FGGY: variants seen among roughly 807,000 people sequenced by gnomAD.
FGGY encodes the protein FGGY carbohydrate kinase domain-containing protein.
A neutral mutation model predicts 71.3 loss-of-function variants in FGGY; 72 were observed. That is an observed-to-expected ratio of 1.01 (90% CI 0.84 to 1.23). FGGY has a LOEUF of 1.23. FGGY is among the 50% of genes most tolerant of loss of function. FGGY has a pLI of 0.00. For synonymous variants in FGGY, 251 were observed against 250.3 expected (o/e 1.00, Z -0.02); for missense variants, 668 against 682.3 (o/e 0.98, Z 0.23).
intron 11 of FGGY, among the ~76,000 whole-genome samples, chr1:59,641,039 C>G (rs2097020615): frequency 6.6e-6 from 1 of 150,776 alleles, no homozygotes; most frequent in Non-Finnish European, 1.5e-5. Context: ...AAGACGATTG[C>G]CCAACCTGGT....
At chr1:59,309,793 T>C (rs533599367) in intron 1 of FGGY, among the ~76,000 whole-genome samples, 44 of 152,156 alleles carry the variant, frequency 2.9e-4, no homozygotes, top group African/African-American at 1.1e-3. Flanking sequence ...CTGAGCAACA[T>C]GGCAAAACCC....
At chr1:59,331,556 C>T (rs902955803) in intron 2 of FGGY, among the ~76,000 whole-genome samples, 8 of 152,178 alleles carry the variant, frequency 5.3e-5, no homozygotes, top group African/African-American at 1.9e-4. Flanking sequence ...ATTTCACTTG[C>T]ATCTTGCATA....
chr1:59,364,706 T>C (rs1018693392), intron 4 of FGGY, among the ~76,000 whole-genome samples: 4 of 152,150 alleles, frequency 2.6e-5, no homozygotes, highest in Non-Finnish European at 4.4e-5. Flanking sequence ...TAGAGTACTA[T>C]AGGGGCATAG....
intron 5 of FGGY, among the ~76,000 whole-genome samples, chr1:59,406,612 G>T (rs962435651): frequency 3.3e-5 from 5 of 151,058 alleles, no homozygotes; most frequent in Middle Eastern, 3.4e-3. Context: ...CATGAAACAG[G>T]GTTGCGTATT....
In FGGY at chr1:59,328,604, G is replaced by A. The variant is rs552808414; in HGVS notation, c.201+6854G>A. Among the ~76,000 whole-genome samples, 7 of 152,244 alleles carry A rather than the reference G, an allele frequency of 4.6e-5. No individual in the cohort carries two copies. In the East Asian group the frequency reaches 1.2e-3, roughly 25 times the overall value. The stretch of plus-strand genomic sequence containing the variant: ...TAGTTTTCCTTACGAACTTTCTTTT[G>A]CATTCACAGCTTGACTATTTGGTGC... On this transcript the variant is annotated intron_variant, in intron 2 of 15. Coordinates refer to ENST00000303721, the MANE Select transcript of FGGY (RefSeq NM_018291.5).
chr1:59,728,227 A>G (rs2097973599), intron 14 of FGGY, among the ~76,000 whole-genome samples: 1 of 152,008 alleles, frequency 6.6e-6, no homozygotes, highest in Admixed American at 6.6e-5. Context: ...TAATGTCCCT[A>G]ATGTTTGTAG....
intron 1 of FGGY, among the ~76,000 whole-genome samples, chr1:59,314,256 C>T (rs531564428): frequency 1.3e-5 from 2 of 152,266 alleles, no homozygotes; most frequent in South Asian, 4.2e-4. Flanking sequence ...TGAGCCACCG[C>T]ACCTGGCCTA....
intron 4 of FGGY, among the ~76,000 whole-genome samples, chr1:59,352,817 A>G (rs2053562689): frequency 6.6e-6 from 1 of 152,210 alleles, no homozygotes; most frequent in Non-Finnish European, 1.5e-5. Flanking sequence ...CTTGTTGATG[A>G]CATAATAACA....
chr1:59,410,464 C>T (rs1464267889), intron 5 of FGGY, among the ~76,000 whole-genome samples: 1 of 152,160 alleles, frequency 6.6e-6, no homozygotes, highest in Non-Finnish European at 1.5e-5. Context: ...AGACCTCTTA[C>T]AATAAAATTA....
At chr1:59,607,536 T>C (rs990297181) in intron 8 of FGGY, among the ~76,000 whole-genome samples, 9 of 152,200 alleles carry the variant, frequency 5.9e-5, no homozygotes, top group African/African-American at 1.9e-4. Flanking sequence ...CTTTGCAATC[T>C]CTGCCATAGT....
intron 8 of FGGY, among the ~76,000 whole-genome samples, chr1:59,564,559 C>T (rs1440717987): frequency 1.3e-5 from 2 of 152,180 alleles, no homozygotes; most frequent in Non-Finnish European, 2.9e-5. Context: ...GCAGAGGATG[C>T]TCAAAATCAT....
chr1:59,508,802 G>A (rs2094453267), intron 6 of FGGY, among the ~76,000 whole-genome samples: 1 of 152,218 alleles, frequency 6.6e-6, no homozygotes, highest in Admixed American at 6.5e-5. Flanking sequence ...ACTGGATTGA[G>A]GAGAAGGCTG....
rs1167181523 is a variant in FGGY, at chr1:59,762,531, C to T, written c.1603C>T (p.Leu535=). ...CTATGATAAGAAATACCAAGTATTC[C>T]TGAAGCTGGTTGAACACCAGAAGGA... ...KYYDKKYQVF[L]KLVEHQKEYL... The change falls in exon 16 of 16, where the codon CTG becomes TTG. Residue 535 remains leucine, a synonymous_variant. Transcript: ENST00000303721. 1 of 1,613,712 alleles carries T rather than the reference C, an allele frequency of 6.2e-7. No individual in the cohort carries two copies. The highest frequency in any genetic ancestry group is 2.2e-5 in the East Asian group (1 of 44,836).
chr1:59,695,745 C>CGT lies in FGGY; in HGVS notation c.1512+21614_1512+21615dup, dbSNP rs1380009678. On this transcript the variant is annotated intron_variant, in intron 14 of 15. Transcript: ENST00000303721. The stretch of plus-strand genomic sequence containing the variant: ...TGGTCAACCAGTGCTGGGCCTGGAC[C>CGT]GTGGCTGGTCCATAACAGGGTTTTT... Among the ~76,000 whole-genome samples the CGT allele has an allele frequency of 3.3e-5, 5 of 152,276 alleles. No individual in the cohort carries two copies. In the East Asian group the frequency reaches 7.7e-4, roughly 23 times the overall value.
At chr1:59,489,687 A>G (rs982751918) in intron 6 of FGGY, among the ~76,000 whole-genome samples, 2 of 152,158 alleles carry the variant, frequency 1.3e-5, no homozygotes, top group Non-Finnish European at 2.9e-5. Context: ...GGGAGTAAAG[A>G]TATGTCTTTG....
chr1:59,730,252 G>A (rs2098008919), intron 14 of FGGY, among the ~76,000 whole-genome samples: 1 of 150,806 alleles, frequency 6.6e-6, no homozygotes, highest in South Asian at 2.1e-4. Context: ...AGTTTGTCCT[G>A]TAACCTCAGT....
At chr1:59,445,511 C>T (rs2071037458) in intron 5 of FGGY, among the ~76,000 whole-genome samples, 1 of 152,190 alleles carries the variant, frequency 6.6e-6, no homozygotes, top group African/African-American at 2.4e-5. Flanking sequence ...TACTCTTGCT[C>T]ATTATGGATT....
chr1:59,626,350 A>G (rs2096856448), intron 10 of FGGY: 2 of 290,562 alleles, frequency 6.9e-6, no homozygotes, highest in South Asian at 7.6e-5. Flanking sequence ...CATCCCAGCC[A>G]TACTCCTTAA....
At chr1:59,634,202 C>T (rs2096934456) in intron 10 of FGGY, among the ~76,000 whole-genome samples, 1 of 152,096 alleles carries the variant, frequency 6.6e-6, no homozygotes, top group African/African-American at 2.4e-5. Context: ...GTCAGGAGAT[C>T]AAGACCATCC....
Sources: gnomAD v4.1 joint callset for allele counts (sites outside exome capture counted in the v4.1 genomes callset) on GRCh38, gnomAD v4.1.1 for gene constraint, MANE v1.5 for transcripts, NCBI Gene and HGNC (gene_info 2026-07-23, HGNC 2026-07-21) for gene names.